Variants in C14orf93 observed in about 807,000 individuals in gnomAD.
C14orf93 encodes chromosome 14 open reading frame 93, also known as uncharacterized protein C14orf93.
C14orf93 carries 23 observed loss-of-function variants against 44.0 expected under a neutral mutation model. The ratio of observed to expected loss-of-function variants is 0.52; its 90% confidence interval spans 0.38 to 0.74. The LOEUF is 0.74. Among genes scored for constraint, C14orf93 ranks in the 30% least tolerant of loss-of-function variants. The pLI, the probability that C14orf93 is intolerant of heterozygous loss-of-function variation, is 0.00. For missense variants in C14orf93, 579 were observed against 678.9 expected, an observed-to-expected ratio of 0.85 and a Z score of 1.64; for synonymous variants, 253 against 265.7, an observed-to-expected ratio of 0.95 and a Z score of 0.46.
intron 5 of C14orf93, 99 bp from the exon 6 acceptor site, chr14:22,988,114 G>A (rs953428400): frequency 5.2e-6 from 4 of 762,960 alleles, no homozygotes; most frequent in Non-Finnish European, 6.7e-6. Context: ...GGAGGTTGGC[G>A]ATCACTACTT....
chr14:22,988,939 A>T (rs75927171), intron 5 of C14orf93, among the ~76,000 whole-genome samples: 7,621 of 152,136 alleles, frequency 0.05, 650 homozygotes, highest in African/African-American at 0.17. Flanking sequence ...AAAAAAATTT[A>T]AAAACAACAA....
At chr14:23,003,107 T>C (rs1295757348) in intron 1 of C14orf93, among the ~76,000 whole-genome samples, 1 of 152,250 alleles carries the variant, frequency 6.6e-6, no homozygotes, top group Non-Finnish European at 1.5e-5. Flanking sequence ...TATTTTCCTA[T>C]TGTGAGTTCA....
At chr14:23,003,878 ATATATATATATATATATATATTTTTT>A (rs2046448490) in intron 1 of C14orf93, among the ~76,000 whole-genome samples, 3 of 16,288 alleles carry the variant, frequency 1.8e-4, no homozygotes, top group African/African-American at 3.6e-4. Flanking sequence ...ATATATATAT[ATATATATATATATATATATATTTTTT>A]TTTTTTTTTT....
At chr14:23,008,663 T>TA (rs1280998259) in intron 1 of C14orf93, among the ~76,000 whole-genome samples, 1 of 152,220 alleles carries the variant, frequency 6.6e-6, no homozygotes, top group Non-Finnish European at 1.5e-5. Context: ...AATGAGGAGA[T>TA]AGTGATTCTG....
Position 23,004,633 on chromosome 14 carries a change from T to G in C14orf93, c.-379-5231A>C, listed in dbSNP as rs116456965. On this transcript the variant is annotated intron_variant, in intron 1 of 6. Transcript: ENST00000299088. ...AAACATGGACTATCTAAAAAACAAA[T>G]TGAGGCCAGGTGCAGTGGCTCAAAC... Among the ~76,000 whole-genome samples the G allele has an allele frequency of 2.4e-3, 367 of 152,280 alleles. 1 individual carries two copies. Among genetic ancestry groups the G allele is most frequent in the African/African-American group, 8.4e-3 (349 of 41,560 alleles).
At chr14:22,990,811 T>C (rs894985390) in intron 3 of C14orf93, among the ~76,000 whole-genome samples, 2 of 150,300 alleles carry the variant, frequency 1.3e-5, no homozygotes, top group Non-Finnish European at 3.0e-5. Flanking sequence ...CACTTTTTTT[T>C]CTTTCCTTTT....
chr14:23,004,036 A>G (rs1404733407), intron 1 of C14orf93, among the ~76,000 whole-genome samples: 2 of 138,502 alleles, frequency 1.4e-5, no homozygotes, highest in Admixed American at 7.4e-5. Flanking sequence ...TAGCCTCCAG[A>G]GTCGCTGGGA....
chr14:23,000,547 C>T (rs1426562989), intron 1 of C14orf93, among the ~76,000 whole-genome samples: 4 of 151,932 alleles, frequency 2.6e-5, no homozygotes, highest in African/African-American at 9.7e-5. Flanking sequence ...GAAACCCTGT[C>T]TCTACTAAAA....
chr14:23,005,778 T>C (rs1418368834), intron 1 of C14orf93: 1 of 152,200 alleles, frequency 6.6e-6, no homozygotes, highest in East Asian at 1.9e-4. Flanking sequence ...TCATAAATAT[T>C]TAGATAAAAA....
intron 5 of C14orf93, 75 bp from the exon 6 acceptor site, chr14:22,988,090 A>G (rs1441950629): frequency 8.0e-6 from 8 of 995,468 alleles, no homozygotes; most frequent in Non-Finnish European, 1.2e-5. Context: ...TTTCTGCCCT[A>G]ACACTATTGA....
Position 22,987,122 on chromosome 14 carries a change from A to C in C14orf93, c.*93T>G, listed in dbSNP as rs533147351. 5.2e-6 allele frequency: 7 copies of C among 1,356,040 alleles called. No homozygotes were observed. In the East Asian group the frequency reaches 1.3e-4, roughly 24 times the overall value. The allele number at this position is 1,356,040 out of a possible 1,614,324, so 84.0% of individuals were successfully genotyped here. ...AGGCAAATTTGCTTTCTCAGACTGC[A>C]CAGAGCATCTCATTATTTTGTGAAG... On this transcript the variant is annotated 3_prime_UTR_variant, in exon 7 of 7. Transcript: ENST00000299088. The surrounding 1 kb of genome is among the most constrained non-coding windows in gnomAD (Gnocchi z 5.6).
rs1353453370 is a variant in C14orf93 at position 23,010,123 on chromosome 14, T to C, written c.-402A>G. The C allele has an allele frequency of 6.6e-6, 1 of 152,066 alleles. No individual in the cohort carries two copies. The highest frequency in any genetic ancestry group is 1.5e-5 in the Non-Finnish European group (1 of 67,998). 9.4% of individuals were successfully genotyped at this position (152,066 alleles called of 1,614,324 possible). On this transcript the variant is annotated 5_prime_UTR_variant, in exon 1 of 7. In the 5' UTR this introduces an upstream ATG that the reference lacks. Transcript: ENST00000299088. ...TACCCGAAGGTCGTATGGCTCTTTG[T>C]ATTCGTGTGTGTGCAAAAAGGAGGA... is the stretch of plus-strand genomic sequence containing the variant.
rs1431730242 is a variant in C14orf93, at chr14:22,987,332, CTCT to C, written c.1497_1499del (p.Glu501del). Reference sequence around the variant, plus strand: ...CATTCTCATCCCCTCCCTCATCTTCCTCTTCTTGGAAATTAGGATTGTAAAGTT... The same window carrying C: ...CATTCTCATCCCCTCCCTCATCTTCCTCTTGGAAATTAGGATTGTAAAGTT... On this transcript the variant is annotated inframe_deletion, in exon 7 of 7. Transcript: ENST00000299088. This position sits in a 1 kb window ranked among gnomAD's most constrained non-coding sequence, Gnocchi z 5.6. 1.2e-6 allele frequency: 2 copies of C among 1,614,134 alleles called. No individual in the cohort carries two copies. The highest frequency in any genetic ancestry group is 1.6e-4 in the Middle Eastern group (1 of 6,084).
At chr14:23,001,839 TAAAAAAAAAAAAAAAA>T (rs780256403) in intron 1 of C14orf93, among the ~76,000 whole-genome samples, 8 of 59,588 alleles carry the variant, frequency 1.3e-4, no homozygotes, top group African/African-American at 5.9e-4. Flanking sequence ...TACTGCAGGT[TAAAAAAAAAAAAAAAA>T]AAAAAAAAAA....
chr14:22,986,842 G>A lies in C14orf93; in HGVS notation c.*373C>T. ...GGAAGCAAAAGGTACAACCTGGGCTGCTTCCTCAGAGCTTTGGGTGGAACT... is the reference window on the plus strand; with the variant it reads ...GGAAGCAAAAGGTACAACCTGGGCTACTTCCTCAGAGCTTTGGGTGGAACT... On this transcript the variant is annotated 3_prime_UTR_variant, in exon 7 of 7. Transcript: ENST00000299088. 1 of 250,296 alleles carries A rather than the reference G, an allele frequency of 4.0e-6. No homozygotes were observed. The highest frequency in any genetic ancestry group is 7.8e-6 in the Non-Finnish European group (1 of 128,834). 15.5% of individuals were successfully genotyped at this position (250,296 alleles called of 1,614,324 possible).
chr14:23,002,072 C>G (rs1397786969), intron 1 of C14orf93, among the ~76,000 whole-genome samples: 1 of 150,288 alleles, frequency 6.7e-6, no homozygotes, highest in Non-Finnish European at 1.5e-5. Context: ...TGGCGTGAAC[C>G]CGGGAGGCGG....
At chr14:22,995,679 C>CAAAA (rs58710730) in intron 3 of C14orf93, among the ~76,000 whole-genome samples, 23 of 45,014 alleles carry the variant, frequency 5.1e-4, no homozygotes, top group African/African-American at 1.0e-3. Context: ...GACTCTGACT[C>CAAAA]AAAAAAAAAA....
intron 1 of C14orf93, chr14:23,007,045 C>T (rs1222302074): frequency 6.6e-6 from 1 of 152,306 alleles, no homozygotes; most frequent in Admixed American, 6.5e-5. Flanking sequence ...TACAGATGTT[C>T]TACCGCGTGT....
At chr14:22,988,133 GC>G (rs1332770753) in intron 5 of C14orf93, 118 bp from the exon 6 acceptor site, 5 of 588,066 alleles carry the variant, frequency 8.5e-6, no homozygotes, top group South Asian at 2.3e-5. Context: ...TTAGATGAGG[GC>G]TTTTTTTTTT....
Sources: allele counts gnomAD v4.1 joint callset (sites outside exome capture counted in the v4.1 genomes callset), GRCh38; gene constraint gnomAD v4.1.1; non-coding constraint Gnocchi (gnomAD v3.1); transcripts MANE v1.5; gene names NCBI Gene and HGNC (gene_info 2026-07-23, HGNC 2026-07-21).